BLTP3A: variants seen among roughly 807,000 people sequenced by gnomAD.
BLTP3A encodes the protein ICBP90 binding protein 1.
the BLTP3A span, chr6:34,834,630 C>G: frequency 5.3e-6 from 8 of 1,511,266 alleles, no homozygotes; most frequent in South Asian, 3.8e-5. Context: ...TGCTGGGAGT[C>G]TCTGCCTTGC....
the BLTP3A span, chr6:34,834,864 A>T: frequency 6.2e-7 from 1 of 1,612,762 alleles, no homozygotes; most frequent in Non-Finnish European, 8.5e-7. Flanking sequence ...AAAGAAGAGT[A>T]AGTGTGTTCT....
chr6:34,845,019 TTGATTTTCATA>T, the BLTP3A span, among the ~76,000 whole-genome samples: 1 of 152,212 alleles, frequency 6.6e-6, no homozygotes, highest in Non-Finnish European at 1.5e-5. Context: ...CCATTTTGAT[TTGATTTTCATA>T]TATGGCAAGA....
chr6:34,868,499 G>A, the BLTP3A span, among the ~76,000 whole-genome samples: 1 of 151,770 alleles, frequency 6.6e-6, no homozygotes, highest in South Asian at 2.1e-4. Flanking sequence ...CAGGATGGTG[G>A]ATCACTTGAG....
the BLTP3A span, among the ~76,000 whole-genome samples, chr6:34,797,335 A>G: frequency 6.6e-6 from 1 of 152,242 alleles, no homozygotes; most frequent in Non-Finnish European, 1.5e-5. Flanking sequence ...TCAGAGGCAT[A>G]GAAGAGTTCA....
chr6:34,851,055 A>G, the BLTP3A span, among the ~76,000 whole-genome samples: 1 of 151,998 alleles, frequency 6.6e-6, no homozygotes, highest in African/African-American at 2.4e-5. Context: ...TAGGATTCCT[A>G]ATTTTTTCTC....
the BLTP3A span, among the ~76,000 whole-genome samples, chr6:34,833,552 T>G: frequency 1.3e-5 from 2 of 152,148 alleles, no homozygotes; most frequent in Non-Finnish European, 2.9e-5. Context: ...TAAAAAGATT[T>G]ATCAATTTAT....
the BLTP3A span, among the ~76,000 whole-genome samples, chr6:34,870,666 G>T: frequency 6.6e-6 from 1 of 152,174 alleles, no homozygotes; most frequent in African/African-American, 2.4e-5. Flanking sequence ...GACTGCCTGG[G>T]TTCAGATCCT....
At chr6:34,834,401 G>A in the BLTP3A span, 1 of 1,612,938 alleles carries the variant, frequency 6.2e-7, no homozygotes. Context: ...CCCCTGCCGA[G>A]GAGAGGTGAC....
the BLTP3A span, chr6:34,858,757 A>G: frequency 8.1e-6 from 13 of 1,614,100 alleles, no homozygotes; most frequent in African/African-American, 1.6e-4. Flanking sequence ...CAGTAGTGGT[A>G]TGGACAACAA....
the BLTP3A span, chr6:34,867,212 CTT>C: frequency 1.3e-6 from 2 of 1,595,734 alleles, 1 homozygote; most frequent in South Asian, 2.3e-5. Context: ...CATTTGTCCT[CTT>C]TTTCATGCAG....
chr6:34,843,484 A>G, the BLTP3A span, among the ~76,000 whole-genome samples: 134 of 152,234 alleles, frequency 8.8e-4, 1 homozygote, highest in Non-Finnish European at 4.4e-5. Context: ...GTGATAGGTT[A>G]TATGTTTATG....
At chr6:34,846,909 T>C in the BLTP3A span, among the ~76,000 whole-genome samples, 1 of 152,218 alleles carries the variant, frequency 6.6e-6, no homozygotes, top group Admixed American at 6.5e-5. Context: ...GTCTGTTGTA[T>C]ATACATTTTG....
the BLTP3A span, chr6:34,870,766 A>T: frequency 6.8e-7 from 1 of 1,475,766 alleles, no homozygotes; most frequent in African/African-American, 1.4e-5. Context: ...TTCCTTTGAC[A>T]TAGGGTTATT....
the BLTP3A span, chr6:34,834,677 A>AT: frequency 6.3e-7 from 1 of 1,597,880 alleles, no homozygotes; most frequent in African/African-American, 1.3e-5. Flanking sequence ...TTCTTGGTTA[A>AT]TTTCATTCAC....
the BLTP3A span, chr6:34,834,306 C>G: frequency 2.5e-6 from 4 of 1,614,106 alleles, no homozygotes; most frequent in Non-Finnish European, 3.4e-6. Flanking sequence ...GCCTTCCACG[C>G]TTCTTTTGAA....
the BLTP3A span, among the ~76,000 whole-genome samples, chr6:34,815,115 T>C: frequency 6.6e-6 from 1 of 152,214 alleles, no homozygotes; most frequent in African/African-American, 2.4e-5. Flanking sequence ...TTAATTCAGA[T>C]GTTATGAAGA....
chr6:34,836,514 T>C, the BLTP3A span, among the ~76,000 whole-genome samples: 8 of 152,160 alleles, frequency 5.3e-5, no homozygotes, highest in Non-Finnish European at 1.2e-4. Flanking sequence ...GGTAGCCCTG[T>C]TGTTTGAGGC....
At chr6:34,821,681 A>G in the BLTP3A span, 1 of 1,613,148 alleles carries the variant, frequency 6.2e-7, no homozygotes, top group Non-Finnish European at 8.5e-7. Flanking sequence ...CCCAGACAAA[A>G]TCAACCTGAG....
At chr6:34,874,064 G>A in the BLTP3A span, 3 of 152,302 alleles carry the variant, frequency 2.0e-5, no homozygotes, top group Non-Finnish European at 2.9e-5. Context: ...TAGAGACTTA[G>A]GAACAAAGAA....
Sources: allele counts gnomAD v4.1 joint callset (sites outside exome capture counted in the v4.1 genomes callset), GRCh38; gene constraint gnomAD v4.1.1; transcripts MANE v1.5; gene names NCBI Gene and HGNC (gene_info 2026-07-23, HGNC 2026-07-21).